Variants in IFNAR2 observed in about 807,000 individuals in gnomAD.
IFNAR2 encodes the protein interferon alpha and beta receptor subunit 2.
Under a neutral mutation model 49.4 loss-of-function variants are expected in IFNAR2, and 30 were observed. The ratio of observed to expected loss-of-function variants is 0.61; its 90% CI spans 0.45 to 0.82. IFNAR2 has a LOEUF of 0.82. IFNAR2 is among the 40% of genes least tolerant of loss of function. IFNAR2 has a pLI of 0.00. For missense variants in IFNAR2, 600 were observed against 622.7 expected (o/e 0.96, Z 0.39); for synonymous variants, 224 against 234.5 (o/e 0.96, Z 0.41).
Position 33,233,299 on chromosome 21 carries a change from A to G in IFNAR2, c.-84+3083A>G, listed in dbSNP as rs78764145. Among the ~76,000 whole-genome samples the G allele has an allele frequency of 3.0e-3, 457 of 152,330 alleles. 1 individual carries two copies. Among genetic ancestry groups the G allele is most frequent in the Non-Finnish European group, 3.4e-3 (231 of 68,026 alleles). The stretch of plus-strand genomic sequence containing the variant: ...TTAAGAAGAAAGAAGCTATTATGAA[A>G]GACAAAATACAATCAAGAATTGGGA... On this transcript the variant is annotated intron_variant, in intron 1 of 8. Coordinates refer to ENST00000342136, the MANE Select transcript of IFNAR2 (RefSeq NM_001289125.3).
At chr21:33,253,010 A>G in intron 7 of IFNAR2, 180 bp downstream of exon 7, 2 of 632,138 alleles carry the variant, frequency 3.2e-6, no homozygotes, top group Non-Finnish European at 2.8e-6. Flanking sequence ...AGTCACTTTT[A>G]TATTGTCATA....
chr21:33,245,084 A>G lies in IFNAR2; in HGVS notation c.221+10A>G, dbSNP rs371615597. The G allele has an allele frequency of 1.9e-6, 3 of 1,592,656 alleles. No individual in the cohort carries two copies. Among genetic ancestry groups the G allele is most frequent in the South Asian group, 2.2e-5 (2 of 90,528 alleles). On this transcript the variant is annotated intron_variant, in intron 4 of 8. Coordinates refer to ENST00000342136, the MANE Select transcript of IFNAR2 (RefSeq NM_001289125.3). The stretch of plus-strand genomic sequence containing the variant: ...TGTATACAATCATGAGGTTGGTTTG[A>G]TATTTCATTTTCTCTTGGTAAACAT...
intron 8 of IFNAR2, among the ~76,000 whole-genome samples, chr21:33,261,988 C>G (rs1988597605): frequency 6.6e-6 from 1 of 152,212 alleles, no homozygotes; most frequent in Admixed American, 6.5e-5. Context: ...GTTTGAAAGG[C>G]AGCTGCTCCC....
intron 3 of IFNAR2, 27 bp downstream of exon 3, chr21:33,243,741 A>G (rs764917544): frequency 1.3e-6 from 2 of 1,544,318 alleles, no homozygotes; most frequent in South Asian, 1.1e-5. Flanking sequence ...GGCTTCACTA[A>G]ATTTTGTATA....
chr21:33,252,707 A>G lies in IFNAR2; in HGVS notation c.586A>G (p.Ile196Val), dbSNP rs17860223. 1.2e-4 allele frequency: 190 copies of G among 1,613,836 alleles called. No individual in the cohort carries two copies. In the African/African-American group the frequency reaches 2.3e-3, roughly 20 times the overall value. The change falls in exon 7 of 9, where the codon ATC (isoleucine) becomes GTC (valine). Residue 196 changes from isoleucine to valine, a missense_variant. Physicochemically the swap from Ile to Val is conservative, Grantham distance 29 (BLOSUM62 3). Coordinates refer to ENST00000342136, the MANE Select transcript of IFNAR2 (RefSeq NM_001289125.3). ...AAACATGAGTGGAAATTTCACCTAT[A>G]TCATTGACAAGTTAATTCCAAACAC... Reference protein sequence around the residue: ...KGNMSGNFTYIIDKLIPNTNY... With the variant: ...KGNMSGNFTYVIDKLIPNTNY...
In IFNAR2 at chr21:33,248,759, A is replaced by G; in HGVS notation, c.445A>G (p.Asn149Asp). 1 of 1,612,344 alleles carries G rather than the reference A, an allele frequency of 6.2e-7. No individual in the cohort carries two copies. The highest frequency in any genetic ancestry group is 1.3e-5 in the African/African-American group (1 of 74,970). ...FEIVGFTNHI[N>D]VMVKFPSIVE... ...GATTGTTGGTTTTACCAACCACATT[A>G]ATGTGATGGTGAAATTTCCATCTAT... Residue 149 changes from asparagine to aspartate, a missense_variant, in exon 6 of 9, where the codon AAT (asparagine) becomes GAT (aspartate). Asn to Asp is a conservative substitution (Grantham distance 23, BLOSUM62 1). Transcript: ENST00000342136.
At chr21:33,233,049 AAAAATATAAATCCAAT>A in intron 1 of IFNAR2, 6 of 503,420 alleles carry the variant, frequency 1.2e-5, no homozygotes, top group Non-Finnish European at 1.5e-5. Flanking sequence ...ACAACTTGAT[AAAAATATAAATCCAAT>A]AAAACAAACT....
chr21:33,236,753 A>G (rs1335486800), intron 1 of IFNAR2: 1 of 984,834 alleles, frequency 1.0e-6, no homozygotes, highest in Non-Finnish European at 1.2e-6. Flanking sequence ...CTAGCACAAA[A>G]CTCACATTGA....
intron 7 of IFNAR2, 124 bp downstream of exon 7, chr21:33,252,954 A>G (rs1987964257): frequency 2.5e-6 from 2 of 804,960 alleles, no homozygotes; most frequent in African/African-American, 1.7e-5. Flanking sequence ...TCCAGTAAAC[A>G]CCTCACAGAG....
Position 33,263,001 on chromosome 21 carries a change from C to T in IFNAR2, c.1049C>T (p.Ala350Val). 1.1e-5 allele frequency: 17 copies of T among 1,614,152 alleles called. No individual in the cohort carries two copies. Among genetic ancestry groups the T allele is most frequent in the Non-Finnish European group, 1.4e-5 (17 of 1,180,012 alleles). The change falls in exon 9 of 9, where the codon GCC (alanine) becomes GTC (valine). Residue 350 changes from alanine (A) to valine (V), a missense_variant. By Grantham distance (64) the Ala-to-Val change is moderately conservative. Transcript: ENST00000342136. ...CTGACTGTCAGGCCTCTGGGTCAGG[C>T]CTCTGCCACCTCTACAGAATCCCAG... Reference protein sequence around the residue: ...HGLTVRPLGQASATSTESQLI... With the variant: ...HGLTVRPLGQVSATSTESQLI...
At chr21:33,252,938 CT>C in intron 7 of IFNAR2, 108 bp downstream of exon 7, 1 of 922,062 alleles carries the variant, frequency 1.1e-6, no homozygotes, top group Non-Finnish European at 1.8e-6. Context: ...CACTAAAGGT[CT>C]TTCTTCCAGT....
chr21:33,246,184 C>T (rs1987386671), intron 4 of IFNAR2, among the ~76,000 whole-genome samples: 1 of 151,960 alleles, frequency 6.6e-6, no homozygotes, highest in Admixed American at 6.5e-5. Flanking sequence ...CATTCTCCTG[C>T]CTCAGCCTCC....
At chr21:33,262,095 C>T (rs950121133) in intron 8 of IFNAR2, among the ~76,000 whole-genome samples, 3 of 151,950 alleles carry the variant, frequency 2.0e-5, no homozygotes, top group East Asian at 1.9e-4. Flanking sequence ...TGGCCAGGCG[C>T]GGTGGCCACG....
chr21:33,261,031 TTTCC>T (rs1459195624), intron 8 of IFNAR2, among the ~76,000 whole-genome samples: 9 of 140,732 alleles, frequency 6.4e-5, no homozygotes, highest in African/African-American at 2.5e-4. Flanking sequence ...TTATGTTTTC[TTTCC>T]TTTTTTTTTT....
In IFNAR2 at chr21:33,249,857, T is replaced by G. The variant is rs1183427758; in HGVS notation, c.540+1003T>G. Among the ~76,000 whole-genome samples, 4 of 152,214 alleles carry G rather than the reference T, an allele frequency of 2.6e-5. No homozygotes were observed. In the East Asian group the frequency reaches 7.7e-4, roughly 29 times the overall value. ...CTGAGGCTGGAGTGGGCCCGGTGTA[T>G]TTCAGCAACAGCGAGGAGAGGTGGC... On this transcript the variant is annotated intron_variant, in intron 6 of 8. Transcript: ENST00000342136.
In IFNAR2 at chr21:33,263,655, C is replaced by T; in HGVS notation, c.*155C>T. On this transcript the variant is annotated 3_prime_UTR_variant, in exon 9 of 9. Transcript: ENST00000342136. ...TCTTCCAGGTGACATCACCTATGCACATTCCCAGTATGGGGACCATAGTAT... is the reference window on the plus strand; with the variant it reads ...TCTTCCAGGTGACATCACCTATGCATATTCCCAGTATGGGGACCATAGTAT... 1 of 652,756 alleles carries T rather than the reference C, an allele frequency of 1.5e-6. No homozygotes were observed. Among genetic ancestry groups the T allele is most frequent in the Non-Finnish European group, 2.6e-6 (1 of 385,332 alleles). The allele number at this position is 652,756 out of a possible 1,614,324, so 40.4% of individuals were successfully genotyped here. A position where few individuals can be genotyped will look rare whatever the true frequency, so the allele number is the denominator to read the frequency against.
At position 33,263,079 on chromosome 21, in the gene IFNAR2, A is replaced by G. The variant is rs1397963219; in HGVS notation, c.1127A>G (p.Glu376Gly). 5.0e-6 allele frequency: 8 copies of G among 1,613,900 alleles called. No individual in the cohort carries two copies. The highest frequency in any genetic ancestry group is 2.7e-5 in the African/African-American group (2 of 74,856). Reference protein sequence around the residue: ...EEPDLPEVDVELPTMPKDSPQ... With the variant: ...EEPDLPEVDVGLPTMPKDSPQ... ...CCTGACCTGCCTGAGGTTGATGTGGAGCTCCCCACGATGCCAAAGGACAGC... is the reference window on the plus strand; with the variant it reads ...CCTGACCTGCCTGAGGTTGATGTGGGGCTCCCCACGATGCCAAAGGACAGC... Residue 376 changes from glutamate (E) to glycine (G), a missense_variant, in exon 9 of 9, where the codon GAG becomes GGG. Coordinates refer to ENST00000342136, the MANE Select transcript of IFNAR2 (RefSeq NM_001289125.3).
intron 7 of IFNAR2, among the ~76,000 whole-genome samples, chr21:33,258,796 A>G: frequency 6.6e-6 from 1 of 152,260 alleles, no homozygotes; most frequent in African/African-American, 2.4e-5. Context: ...CCTGAATGAC[A>G]TAGAACTTAG....
At chr21:33,232,904 C>G (rs1039609866) in intron 1 of IFNAR2, 3 of 939,886 alleles carry the variant, frequency 3.2e-6, no homozygotes, top group Non-Finnish European at 3.8e-6. Context: ...AAACTAGTAG[C>G]AGCAAAGTGA....
Sources: allele counts gnomAD v4.1 joint callset (sites outside exome capture counted in the v4.1 genomes callset), GRCh38; gene constraint gnomAD v4.1.1; transcripts MANE v1.5; gene names NCBI Gene and HGNC (gene_info 2026-07-23, HGNC 2026-07-21).